The following TTC3 variants were observed in gnomAD, a reference collection of about 807,000 sequenced individuals.
TTC3 encodes the protein E3 ubiquitin-protein ligase TTC3.
A neutral mutation model predicts 249.6 loss-of-function variants in TTC3; 180 were observed. That is an observed-to-expected ratio of 0.72 (90% CI 0.64 to 0.82). The LOEUF (loss-of-function observed/expected upper bound fraction) is 0.82, where lower values mean the gene tolerates loss of function less well. Ranked by LOEUF, TTC3 falls within the 40% of genes least tolerant of loss-of-function variation. TTC3 has a pLI of 0.00. For synonymous variants in TTC3, 717 were observed against 805.0 expected (o/e 0.89, Z 1.85); for missense variants, 2,061 against 2,398.4 (o/e 0.86, Z 2.94).
rs2080803667 is a variant in TTC3 at position 37,161,989 on chromosome 21, G to A, written c.3097-1G>A. On this transcript the variant is annotated splice_acceptor_variant, in intron 30 of 45. Coordinates refer to ENST00000355666, the Ensembl canonical transcript of TTC3. LOFTEE classifies it high-confidence loss of function. ...TGTCATTTTTCTGTCTTTTAAACCAGCCTATGTTAGTTGGGTCTGGAACAA... is the reference window on the plus strand; with the variant it reads ...TGTCATTTTTCTGTCTTTTAAACCAACCTATGTTAGTTGGGTCTGGAACAA... 3 of 1,573,258 alleles carry A rather than the reference G, an allele frequency of 1.9e-6. No individual in the cohort carries two copies. The highest frequency in any genetic ancestry group is 2.6e-6 in the Non-Finnish European group (3 of 1,155,882).
Position 37,160,795 on chromosome 21 carries a change from T to G in TTC3, c.3040-7T>G, listed in dbSNP as rs756069236. 11 of 1,612,836 alleles carry G rather than the reference T, an allele frequency of 6.8e-6. No individual in the cohort carries two copies. In the Admixed American group the frequency reaches 1.8e-4, roughly 27 times the overall value. ...AGTGTTCACTGATTTTTCCCCCCAT[T>G]TTTTAGTTTAGTTCAACCAAGGTGA... On this transcript the variant is annotated splice_region_variant and splice_polypyrimidine_tract_variant and intron_variant, in intron 29 of 45. Coordinates refer to ENST00000355666, the Ensembl canonical transcript of TTC3.
intron 11 of TTC3, among the ~76,000 whole-genome samples, chr21:37,112,412 C>A (rs532100045): frequency 6.6e-6 from 1 of 152,294 alleles, no homozygotes; most frequent in Non-Finnish European, 1.5e-5. Flanking sequence ...ACTGTAAACA[C>A]CTCTACGCAA....
At chr21:37,179,413 T>A (rs8130643) in intron 35 of TTC3, among the ~76,000 whole-genome samples, 80,979 of 152,096 alleles carry the variant, frequency 0.53, 22,184 homozygotes, top group African/African-American at 0.64. Flanking sequence ...TTTTGTGGGT[T>A]GCCTTTTCAC....
intron 2 of TTC3, 33 bp downstream of exon 2, chr21:37,087,434 A>G (rs1486909852): frequency 3.1e-6 from 5 of 1,611,238 alleles, no homozygotes; most frequent in Non-Finnish European, 4.2e-6. Context: ...CATTTTTGAC[A>G]TTGTGTATTG....
chr21:37,161,676 TAAG>T (rs1387902347), intron 30 of TTC3, among the ~76,000 whole-genome samples: 1 of 152,200 alleles, frequency 6.6e-6, no homozygotes, highest in African/African-American at 2.4e-5. Flanking sequence ...TGAGAACAGT[TAAG>T]GAGTTCCAAT....
At chr21:37,127,690 G>A (rs1029508559) in intron 15 of TTC3, among the ~76,000 whole-genome samples, 4 of 152,092 alleles carry the variant, frequency 2.6e-5, no homozygotes, top group African/African-American at 9.7e-5. Flanking sequence ...CTTTTCCCTT[G>A]TCTTGTTTGT....
chr21:37,177,091 G>A (rs1194043493), intron 35 of TTC3, among the ~76,000 whole-genome samples: 1 of 152,042 alleles, frequency 6.6e-6, no homozygotes, highest in East Asian at 1.9e-4. Context: ...GAGCTCTGCA[G>A]CATCTTTGCT....
At chr21:37,080,232 T>A (rs1434515223) in intron 1 of TTC3, among the ~76,000 whole-genome samples, 1 of 152,190 alleles carries the variant, frequency 6.6e-6, no homozygotes. Flanking sequence ...TAAGTATTTT[T>A]ACAATTTCTA....
At chr21:37,109,558 GCCCAGAAGCTCGAACTGGGTGGAGCCCA>G (rs1472486855) in intron 11 of TTC3, among the ~76,000 whole-genome samples, 2 of 152,246 alleles carry the variant, frequency 1.3e-5, no homozygotes, top group Non-Finnish European at 2.9e-5. Flanking sequence ...AAACAAAGCA[GCCCAGAAGCTCGAACTGGGTGGAGCCCA>G]CCACAGCTCA....
intron 10 of TTC3, among the ~76,000 whole-genome samples, chr21:37,105,188 T>TG (rs2074956552): frequency 6.6e-6 from 1 of 152,088 alleles, no homozygotes. Flanking sequence ...GAGCTGTCAG[T>TG]GGGAAGCTTG....
intron 34 of TTC3, among the ~76,000 whole-genome samples, chr21:37,168,185 T>C (rs1002737207): frequency 3.3e-5 from 5 of 152,152 alleles, no homozygotes; most frequent in Admixed American, 6.5e-5. Context: ...AAAATGGGAA[T>C]TGATGAATAT....
intron 27 of TTC3, among the ~76,000 whole-genome samples, chr21:37,153,512 G>T (rs148175215): frequency 1.3e-5 from 2 of 152,072 alleles, no homozygotes; most frequent in East Asian, 1.9e-4. Flanking sequence ...GTCTCTAAAA[G>T]AATTTTTTAA....
intron 11 of TTC3, among the ~76,000 whole-genome samples, chr21:37,109,129 C>T (rs753495457): frequency 2.6e-5 from 4 of 152,140 alleles, no homozygotes; most frequent in Admixed American, 6.5e-5. Flanking sequence ...CAGCTCCCAG[C>T]GTGAGCGACA....
chr21:37,087,534 A>T (rs953126429), intron 2 of TTC3, 133 bp downstream of exon 2: 4 of 1,152,308 alleles, frequency 3.5e-6, no homozygotes, highest in Non-Finnish European at 5.0e-6. Context: ...TGAAAAGTTG[A>T]TTTGAGAAGG....
intron 15 of TTC3, 126 bp downstream of exon 15, chr21:37,126,269 A>G (rs763961524): frequency 2.9e-5 from 18 of 616,134 alleles, no homozygotes; most frequent in African/African-American, 1.3e-4. Flanking sequence ...TAATGCTTCT[A>G]TGTTAAGAAA....
exon 42 of TTC3, chr21:37,195,955 C>G: frequency 6.2e-7 from 1 of 1,614,206 alleles, no homozygotes; most frequent in Admixed American, 1.7e-5. Flanking sequence ...CCAGGACGTG[C>G]TGCGCGTTCA....
chr21:37,135,561 A>G (rs759665556), intron 18 of TTC3, 47 bp downstream of exon 18: 2 of 1,585,456 alleles, frequency 1.3e-6, no homozygotes, highest in Non-Finnish European at 1.7e-6. Context: ...AATGCACCTC[A>G]GATGAATGCA....
chr21:37,150,058 T>G lies in TTC3; in HGVS notation c.2119-20T>G, dbSNP rs1344067788. The stretch of plus-strand genomic sequence containing the variant: ...CTAGACATAACATTTTTCTTGTTTT[T>G]TTTTTTTTTAATCAAATAGGATTTT... On this transcript the variant is annotated intron_variant, in intron 23 of 45. Coordinates refer to ENST00000355666, the Ensembl canonical transcript of TTC3. 1 of 1,564,778 alleles carries G rather than the reference T, an allele frequency of 6.4e-7. No individual in the cohort carries two copies.
chr21:37,134,265 C>T (rs1297006232), intron 17 of TTC3, among the ~76,000 whole-genome samples: 2 of 152,134 alleles, frequency 1.3e-5, no homozygotes, highest in African/African-American at 4.8e-5. Flanking sequence ...TCCTGGCCAT[C>T]ATGGCGAAAC....
Sources: gnomAD v4.1 joint callset for allele counts (sites outside exome capture counted in the v4.1 genomes callset) on GRCh38, gnomAD v4.1.1 for gene constraint, MANE v1.5 for transcripts, NCBI Gene and HGNC (gene_info 2026-07-23, HGNC 2026-07-21) for gene names.